Variants in OR9Q1 observed in about 807,000 individuals in gnomAD.
OR9Q1 encodes the protein olfactory receptor 9Q1.
For missense variants in OR9Q1, 374 were observed against 378.8 expected, an observed-to-expected ratio of 0.99 and a Z score of 0.11; for synonymous variants, 153 against 148.6, an observed-to-expected ratio of 1.03 and a Z score of -0.22.
At chr11:58,053,023 TTGTG>T (rs1330787032) in intron 1 of OR9Q1, among the ~76,000 whole-genome samples, 1 of 151,356 alleles carries the variant, frequency 6.6e-6, no homozygotes, top group Non-Finnish European at 1.5e-5. Flanking sequence ...AGTTCAACCA[TTGTG>T]GAAGTCAGTG....
intron 2 of OR9Q1, among the ~76,000 whole-genome samples, chr11:58,141,946 G>T (rs1465111761): frequency 6.6e-6 from 1 of 152,118 alleles, no homozygotes; most frequent in African/African-American, 2.4e-5. Context: ...GTCTCCCAAA[G>T]ACCTGAAAAC....
At chr11:58,143,369 C>A (rs912916749) in intron 2 of OR9Q1, among the ~76,000 whole-genome samples, 1 of 152,154 alleles carries the variant, frequency 6.6e-6, no homozygotes, top group Non-Finnish European at 1.5e-5. Flanking sequence ...AAGCCCATGT[C>A]TTTTATACTA....
rs376699761 is a variant in OR9Q1, at chr11:58,180,025, C to A, written c.581C>A (p.Thr194Asn). 9.9e-6 allele frequency: 16 copies of A among 1,614,148 alleles called. No individual in the cohort carries two copies. The highest frequency in any genetic ancestry group is 4.4e-5 in the South Asian group (4 of 91,088). The change falls in exon 3 of 3, where the codon ACT (threonine) becomes AAT (asparagine). Residue 194 changes from threonine (T) to asparagine (N), a missense_variant. Thr to Asn is a moderately conservative substitution (Grantham distance 65, BLOSUM62 0). Coordinates refer to ENST00000335397, the MANE Select transcript of OR9Q1 (RefSeq NM_001005212.4). ...AAGTTGACCTGTGGGGAGAGCTACA[C>A]TCAAGAAGTGCTGATTATTATGTTT... ...LLKLTCGESY[T>N]QEVLIIMFAI...
intron 2 of OR9Q1, chr11:58,109,693 A>T (rs1484850737): frequency 2.5e-6 from 1 of 405,736 alleles, no homozygotes; most frequent in South Asian, 1.8e-5. Context: ...CCTGAAGAAG[A>T]TAATGAAATT....
chr11:58,123,537 T>A (rs117888224), intron 2 of OR9Q1, among the ~76,000 whole-genome samples: 4 of 152,304 alleles, frequency 2.6e-5, no homozygotes, highest in Non-Finnish European at 5.9e-5. Flanking sequence ...GTTTCATACA[T>A]TAGCTCTAGT....
intron 1 of OR9Q1, among the ~76,000 whole-genome samples, chr11:58,028,896 A>G (rs1260856682): frequency 6.6e-6 from 1 of 152,192 alleles, no homozygotes; most frequent in Admixed American, 6.5e-5. Context: ...GAACTTGCTA[A>G]TTATTTATAG....
At chr11:58,080,899 T>C (rs1257604725) in intron 2 of OR9Q1, among the ~76,000 whole-genome samples, 3 of 152,182 alleles carry the variant, frequency 2.0e-5, no homozygotes, top group Non-Finnish European at 4.4e-5. Flanking sequence ...ACATGTGCCA[T>C]GTTGGTTTGC....
intron 1 of OR9Q1, chr11:58,030,827 T>C (rs1271545744): frequency 1.5e-6 from 1 of 674,200 alleles, no homozygotes; most frequent in East Asian, 2.5e-5. Flanking sequence ...AAGAACAGTG[T>C]GTTGACATCA....
intron 2 of OR9Q1, among the ~76,000 whole-genome samples, chr11:58,136,916 C>G (rs1335343470): frequency 6.6e-6 from 1 of 152,116 alleles, no homozygotes. Context: ...ACCTGGAGAC[C>G]TCCCTAAGTG....
intron 2 of OR9Q1, among the ~76,000 whole-genome samples, chr11:58,094,907 G>A (rs1853716158): frequency 6.6e-6 from 1 of 152,152 alleles, no homozygotes; most frequent in Non-Finnish European, 1.5e-5. Context: ...TTATCTTCTA[G>A]TTTTCAAATC....
chr11:58,096,905 T>C lies in OR9Q1; in HGVS notation c.-15+40958T>C, dbSNP rs1282987736. On this transcript the variant is annotated intron_variant, in intron 2 of 2. Transcript: ENST00000335397. ...TTGTACTAGAGACAGGGATTTACCA[T>C]GTTAGCCAGGCTCGTCTCGAACTCC... 2.0e-5 allele frequency among the ~76,000 whole-genome samples: 3 copies of C among 152,132 alleles called. No individual in the cohort carries two copies. The East Asian group carries it at 5.8e-4, about 29-fold the overall frequency.
chr11:58,034,796 T>TCCTTCCTTCCTTCCTTCCTTCCTTCCTG, intron 1 of OR9Q1, among the ~76,000 whole-genome samples: 1 of 81,578 alleles, frequency 1.2e-5, no homozygotes, highest in East Asian at 4.2e-4. Flanking sequence ...CTTTCTCCCT[T>TCCTTCCTTCCTTCCTTCCTTCCTTCCTG]CCTTCCTTCC....
chr11:58,060,648 G>C (rs1292947038), intron 2 of OR9Q1, among the ~76,000 whole-genome samples: 1 of 152,196 alleles, frequency 6.6e-6, no homozygotes, highest in Non-Finnish European at 1.5e-5. Flanking sequence ...GACTAGCCTG[G>C]CCAGCATGGC....
intron 2 of OR9Q1, among the ~76,000 whole-genome samples, chr11:58,136,860 G>A (rs1854194184): frequency 6.6e-6 from 1 of 152,080 alleles, no homozygotes; most frequent in African/African-American, 2.4e-5. Context: ...CATTATTTTG[G>A]GATTTTGGTT....
chr11:58,032,960 C>T (rs1853058425), intron 1 of OR9Q1, among the ~76,000 whole-genome samples: 1 of 152,164 alleles, frequency 6.6e-6, no homozygotes, highest in Non-Finnish European at 1.5e-5. Context: ...TGAACAGACA[C>T]TTATCAAAAG....
At chr11:58,164,161 G>T (rs962711223) in intron 2 of OR9Q1, among the ~76,000 whole-genome samples, 1 of 152,112 alleles carries the variant, frequency 6.6e-6, no homozygotes, top group African/African-American at 2.4e-5. Flanking sequence ...GGGTTGGGGG[G>T]ATGCGCATGT....
At chr11:58,097,520 AC>A (rs903742247) in intron 2 of OR9Q1, among the ~76,000 whole-genome samples, 5 of 152,212 alleles carry the variant, frequency 3.3e-5, no homozygotes, top group African/African-American at 9.6e-5. Context: ...CAAATGTAAA[AC>A]CATTTTGGAA....
intron 2 of OR9Q1, among the ~76,000 whole-genome samples, chr11:58,115,628 G>A (rs1373923634): frequency 6.6e-6 from 1 of 152,202 alleles, no homozygotes; most frequent in African/African-American, 2.4e-5. Context: ...ATCCCACTAT[G>A]TTGTTGCCAA....
chr11:58,039,477 G>T (rs933021709), intron 1 of OR9Q1, among the ~76,000 whole-genome samples: 2 of 152,200 alleles, frequency 1.3e-5, no homozygotes, highest in Non-Finnish European at 2.9e-5. Flanking sequence ...CGAGAGTAAA[G>T]CTCTGTTTCT....
Sources: allele counts gnomAD v4.1 joint callset (sites outside exome capture counted in the v4.1 genomes callset), GRCh38; gene constraint gnomAD v4.1.1; transcripts MANE v1.5; gene names NCBI Gene and HGNC (gene_info 2026-07-23, HGNC 2026-07-21).